KIF26B: variants seen among roughly 807,000 people sequenced by gnomAD.
The protein encoded by KIF26B is kinesin family member 26B.
Under a neutral mutation model 151.2 loss-of-function variants are expected in KIF26B, and 63 were observed. That is an observed-to-expected ratio of 0.42 (90% confidence interval 0.34 to 0.51). The LOEUF (loss-of-function observed/expected upper bound fraction) is 0.51. Ranked by LOEUF, KIF26B falls within the 20% of genes least tolerant of loss-of-function variation. The probability of loss-of-function intolerance (pLI) is 0.07; values close to 1 mark genes in which losing one functional copy is unlikely to be tolerated. For missense variants in KIF26B, 2,813 were observed against 2,913.6 expected, an observed-to-expected ratio of 0.97 and a Z score of 0.79; for synonymous variants, 1,357 against 1,262.1, an observed-to-expected ratio of 1.08 and a Z score of -1.59.
intron 2 of KIF26B, among the ~76,000 whole-genome samples, chr1:245,187,532 G>A (rs1250613428): frequency 1.3e-5 from 2 of 152,220 alleles, no homozygotes; most frequent in African/African-American, 4.8e-5. Context: ...CATAACTAGT[G>A]GTTTGGTTAA....
At position 245,375,221 on chromosome 1, in the gene KIF26B, C is replaced by T. The variant is rs1023388993; in HGVS notation, c.999+7854C>T. On this transcript the variant is annotated intron_variant, in intron 3 of 14. Transcript: ENST00000407071. The surrounding 1 kb of genome is among the most constrained non-coding windows in gnomAD (Gnocchi z 4.2). ...CCTGCCTCAACCTCGGGATTACAGG[C>T]ATGGACCACCATGTCCGGCTAATTT... 6.6e-6 allele frequency among the ~76,000 whole-genome samples: 1 copy of T among 152,136 alleles called. No homozygotes were observed. Among genetic ancestry groups the T allele is most frequent in the African/African-American group, 2.4e-5 (1 of 41,426 alleles).
intron 12 of KIF26B, among the ~76,000 whole-genome samples, chr1:245,690,745 G>T (rs6700599): frequency 0.59 from 89,228 of 150,924 alleles, 28,296 homozygotes; most frequent in Middle Eastern, 0.74. Context: ...TTGCCTGGGG[G>T]GGGGGTATGC....
rs2043461124 is a variant in KIF26B, at chr1:245,606,918, TAGCCAGGCATGGTGGCACATGC to T, written c.1558-732_1558-711del. Among the ~76,000 whole-genome samples the T allele has an allele frequency of 6.6e-6, 1 of 151,404 alleles. No individual in the cohort carries two copies. The highest frequency in any genetic ancestry group is 1.5e-5 in the Non-Finnish European group (1 of 67,852). On this transcript the variant is annotated intron_variant, in intron 6 of 14. Coordinates refer to ENST00000407071, the MANE Select transcript of KIF26B (RefSeq NM_018012.4). The surrounding 1 kb of genome is among the most constrained non-coding windows in gnomAD (Gnocchi z 4.6). ...TCTCTACTAAAAAAATGCAAAAAAT[TAGCCAGGCATGGTGGCACATGC>T]CTGTAATCCCAGCTACTCGGGAGGC... is the stretch of plus-strand genomic sequence containing the variant.
intron 4 of KIF26B, among the ~76,000 whole-genome samples, chr1:245,450,467 C>T (rs567193538): frequency 6.6e-6 from 1 of 152,314 alleles, no homozygotes; most frequent in East Asian, 1.9e-4. Context: ...TGATCTAATC[C>T]TTTCTCAAAG....
intron 4 of KIF26B, among the ~76,000 whole-genome samples, chr1:245,481,074 G>A (rs895897576): frequency 2.0e-5 from 3 of 151,826 alleles, no homozygotes; most frequent in Admixed American, 6.6e-5. Flanking sequence ...TGTGCTGGCC[G>A]TGCGTTGTGC....
At chr1:245,262,413 T>C (rs897699586) in intron 2 of KIF26B, among the ~76,000 whole-genome samples, 4 of 152,092 alleles carry the variant, frequency 2.6e-5, no homozygotes, top group Non-Finnish European at 5.9e-5. Context: ...CCAGGTAGAG[T>C]CTGCAGTGAG....
Position 245,699,325 on chromosome 1 carries a change from A to G in KIF26B, c.6178+288A>G, listed in dbSNP as rs2044737781. 2.6e-5 allele frequency among the ~76,000 whole-genome samples: 4 copies of G among 152,298 alleles called. No individual in the cohort carries two copies. In the East Asian group the frequency reaches 7.7e-4, roughly 29 times the overall value. On this transcript the variant is annotated intron_variant, in intron 14 of 14. Transcript: ENST00000407071. ...GATTTTTCCCCCTGCGTGTGGCAGA[A>G]GATCACCCAGACATGAAGGCTGTAT...
intron 10 of KIF26B, among the ~76,000 whole-genome samples, chr1:245,682,462 T>G (rs2044453391): frequency 7.3e-6 from 1 of 137,644 alleles, no homozygotes. Context: ...ATGTAAGACC[T>G]GACTGTATAT....
chr1:245,479,316 C>A (rs900311116), intron 4 of KIF26B, among the ~76,000 whole-genome samples: 2 of 151,958 alleles, frequency 1.3e-5, no homozygotes, highest in Non-Finnish European at 2.9e-5. Context: ...AAACAGACAT[C>A]GCAGATAAGC....
Position 245,698,947 on chromosome 1 carries a change from G to C in KIF26B, c.6088G>C (p.Glu2030Gln). 1 of 1,614,030 alleles carries C rather than the reference G, an allele frequency of 6.2e-7. No homozygotes were observed. Among genetic ancestry groups the C allele is most frequent in the Admixed American group, 1.7e-5 (1 of 60,026 alleles). ...ILEHRQQRIAEVRAKYEWLMK... is the reference protein window; with the variant it reads ...ILEHRQQRIAQVRAKYEWLMK... ...GGAACACCGCCAGCAGAGGATCGCC[G>C]AGGTCCGCGCGAAGTACGAGTGGCT... The change falls in exon 14 of 15, where the codon GAG becomes CAG. Residue 2030 changes from glutamate (E) to glutamine (Q), a missense_variant. By Grantham distance (29) the Glu-to-Gln change is conservative. Around this residue, in one of 3 missense-constraint regions of KIF26B, gnomAD observed 2,060 missense variants for 2,088.6 expected, o/e 0.99. Transcript: ENST00000407071. This position sits in a 1 kb window ranked among gnomAD's most constrained non-coding sequence, Gnocchi z 4.0.
intron 3 of KIF26B, among the ~76,000 whole-genome samples, chr1:245,372,574 G>A (rs1673154049): frequency 6.6e-6 from 1 of 152,140 alleles, no homozygotes; most frequent in Non-Finnish European, 1.5e-5. Context: ...TTGTAGCCAT[G>A]TGTTACAGCC....
intron 4 of KIF26B, among the ~76,000 whole-genome samples, chr1:245,450,445 A>G (rs1248354322): frequency 6.6e-6 from 1 of 152,226 alleles, no homozygotes; most frequent in Non-Finnish European, 1.5e-5. Flanking sequence ...CATGTTAATT[A>G]GATGGGAAAG....
At chr1:245,662,934 G>A (rs989223178) in intron 10 of KIF26B, among the ~76,000 whole-genome samples, 2 of 150,278 alleles carry the variant, frequency 1.3e-5, no homozygotes, top group African/African-American at 4.9e-5. Flanking sequence ...GGGCTCCAGA[G>A]AGCTCTTGCT....
At chr1:245,574,874 T>C (rs1170529241) in intron 5 of KIF26B, among the ~76,000 whole-genome samples, 3 of 125,848 alleles carry the variant, frequency 2.4e-5, no homozygotes, top group Non-Finnish European at 5.0e-5. Context: ...CTTTTTTTTT[T>C]TTTTTTTGAG....
chr1:245,644,180 G>GT (rs960105570), intron 9 of KIF26B, among the ~76,000 whole-genome samples: 15 of 151,110 alleles, frequency 9.9e-5, no homozygotes, highest in African/African-American at 2.4e-4. Flanking sequence ...TTTATTTGTT[G>GT]TTTTTTTTCC....
At chr1:245,584,338 A>G (rs752703169) in intron 5 of KIF26B, among the ~76,000 whole-genome samples, 12 of 147,404 alleles carry the variant, frequency 8.1e-5, no homozygotes, top group Non-Finnish European at 7.4e-5. Context: ...TCTTTTCTTT[A>G]TAAATACCCA....
At chr1:245,521,550 C>G (rs1661110939) in intron 4 of KIF26B, among the ~76,000 whole-genome samples, 2 of 152,152 alleles carry the variant, frequency 1.3e-5, no homozygotes, top group Admixed American at 6.5e-5. Context: ...TCTACCTCCA[C>G]CTAGACCAAT....
At chr1:245,580,360 C>A (rs2043163128) in intron 5 of KIF26B, among the ~76,000 whole-genome samples, 1 of 152,210 alleles carries the variant, frequency 6.6e-6, no homozygotes, top group African/African-American at 2.4e-5. Context: ...CCCGAGTGAG[C>A]AGGTGTTTCC....
In KIF26B at chr1:245,662,396, C is replaced by CAT. The variant is rs1328923135; in HGVS notation, c.2258+16117_2258+16118insTA. Among the ~76,000 whole-genome samples the CAT allele has an allele frequency of 2.8e-5, 4 of 144,108 alleles. No individual in the cohort carries two copies. The Admixed American group carries it at 2.8e-4, about 10-fold the overall frequency. 94.5% of individuals were successfully genotyped at this position (144,108 alleles called of 152,430 possible). ...TATACACACACACCATATATATATA[C>CAT]ACACACATACACCCAGTGATATATA... On this transcript the variant is annotated intron_variant, in intron 10 of 14. Coordinates refer to ENST00000407071, the MANE Select transcript of KIF26B (RefSeq NM_018012.4).
Sources: allele counts gnomAD v4.1 joint callset (sites outside exome capture counted in the v4.1 genomes callset), GRCh38; gene constraint gnomAD v4.1.1; regional missense constraint gnomAD v4.1.1; non-coding constraint Gnocchi (gnomAD v3.1); transcripts MANE v1.5; gene names NCBI Gene and HGNC (gene_info 2026-07-23, HGNC 2026-07-21).